TNFRSF1B: variants seen among roughly 807,000 people sequenced by gnomAD.
TNFRSF1B encodes the protein tumor necrosis factor receptor superfamily member 1B.
A neutral mutation model predicts 44.6 loss-of-function variants in TNFRSF1B; 19 were observed. That is an observed-to-expected ratio of 0.43 (90% CI 0.30 to 0.62). The LOEUF (loss-of-function observed/expected upper bound fraction) is 0.62, where lower values mean the gene tolerates loss of function less well. Ranked by LOEUF, TNFRSF1B falls within the 20% of genes least tolerant of loss-of-function variation. TNFRSF1B has a pLI of 0.16. For missense variants in TNFRSF1B, 541 were observed against 619.9 expected (o/e 0.87, Z 1.35); for synonymous variants, 252 against 261.1 (o/e 0.97, Z 0.34).
intron 8 of TNFRSF1B, among the ~76,000 whole-genome samples, chr1:12,195,893 T>A (rs1214168383): frequency 6.6e-6 from 1 of 152,096 alleles, no homozygotes; most frequent in African/African-American, 2.4e-5. Flanking sequence ...AGACAACATC[T>A]TACTTAAGGG....
In TNFRSF1B at chr1:12,167,208, G is replaced by C. The variant is rs1168130592; in HGVS notation, c.78+39G>C. 2.4e-6 allele frequency: 3 copies of C among 1,233,732 alleles called. No homozygotes were observed. In the East Asian group the frequency reaches 9.7e-5, roughly 40 times the overall value. The allele number at this position is 1,233,732 out of a possible 1,614,324, so 76.4% of individuals were successfully genotyped here. A position where few individuals can be genotyped will look rare whatever the true frequency, so the allele number is the denominator to read the frequency against. Reference sequence around the variant, plus strand: ...GCGGCCCACGGGGGACAGCCGCCCCGCATGTCCACCCGGCTGGTGCGCAGC... The same window carrying C: ...GCGGCCCACGGGGGACAGCCGCCCCCCATGTCCACCCGGCTGGTGCGCAGC... On this transcript the variant is annotated intron_variant, in intron 1 of 9. Transcript: ENST00000376259.
chr1:12,194,748 G>A (rs1639229454), intron 8 of TNFRSF1B, 130 bp downstream of exon 8: 3 of 1,215,320 alleles, frequency 2.5e-6, no homozygotes, highest in East Asian at 4.8e-5. Flanking sequence ...AGCCCTGGGA[G>A]GTGGAGGAAA....
At position 12,167,187 on chromosome 1, in the gene TNFRSF1B, C is replaced by T. The variant is rs886952081; in HGVS notation, c.78+18C>T. 5 of 1,256,080 alleles carry T rather than the reference C, an allele frequency of 4.0e-6. No homozygotes were observed. The highest frequency in any genetic ancestry group is 4.2e-5 in the Admixed American group (1 of 23,606). The allele number at this position is 1,256,080 out of a possible 1,614,324, so 77.8% of individuals were successfully genotyped here. Reference sequence around the variant, plus strand: ...CCGCCCAGGTGGGTGACTCGCGCGGCCCACGGGGGACAGCCGCCCCGCATG... The same window carrying T: ...CCGCCCAGGTGGGTGACTCGCGCGGTCCACGGGGGACAGCCGCCCCGCATG... On this transcript the variant is annotated intron_variant, in intron 1 of 9. Transcript: ENST00000376259.
chr1:12,171,728 C>T lies in TNFRSF1B; in HGVS notation c.78+4559C>T, dbSNP rs1006415306. ...GTAGGATGTTTAGCGACATCCCTGG[C>T]CTCTACTTATTGGATGGCAGTAGCG... On this transcript the variant is annotated intron_variant, in intron 1 of 9. Coordinates refer to ENST00000376259, the MANE Select transcript of TNFRSF1B (RefSeq NM_001066.3). The surrounding 1 kb of genome is among the most constrained non-coding windows in gnomAD (Gnocchi z 4.5). 8.5e-5 allele frequency among the ~76,000 whole-genome samples: 13 copies of T among 152,138 alleles called. No individual in the cohort carries two copies. The highest frequency in any genetic ancestry group is 1.8e-4 in the Non-Finnish European group (12 of 68,036).
intron 8 of TNFRSF1B, among the ~76,000 whole-genome samples, chr1:12,195,614 CCAGA>C (rs1228687211): frequency 6.6e-6 from 1 of 152,136 alleles, no homozygotes; most frequent in African/African-American, 2.4e-5. Context: ...ATCTCACTGA[CCAGA>C]CAGTGTCACA....
chr1:12,197,666 C>T (rs1639294789), intron 8 of TNFRSF1B, among the ~76,000 whole-genome samples: 1 of 152,306 alleles, frequency 6.6e-6, no homozygotes, highest in African/African-American at 2.4e-5. Flanking sequence ...ATGCCTGTGT[C>T]CCACGCTACT....
chr1:12,184,485 G>C (rs762837768), intron 1 of TNFRSF1B, among the ~76,000 whole-genome samples: 4 of 152,148 alleles, frequency 2.6e-5, no homozygotes, highest in Non-Finnish European at 5.9e-5. Flanking sequence ...CTACCGGGGG[G>C]GCTGGAGCCA....
At chr1:12,185,080 GGAAGA>G (rs1638951433) in intron 1 of TNFRSF1B, among the ~76,000 whole-genome samples, 1 of 152,190 alleles carries the variant, frequency 6.6e-6, no homozygotes, top group Non-Finnish European at 1.5e-5. Context: ...CCGAGGGCCA[GGAAGA>G]CCCTCTGCCG....
chr1:12,173,396 G>A (rs2101077680), intron 1 of TNFRSF1B, among the ~76,000 whole-genome samples: 1 of 152,274 alleles, frequency 6.6e-6, no homozygotes, highest in South Asian at 2.1e-4. Flanking sequence ...TGCTTTGGGT[G>A]GATTGATTTC....
chr1:12,183,684 C>T (rs954934865), intron 1 of TNFRSF1B, among the ~76,000 whole-genome samples: 1 of 126,274 alleles, frequency 7.9e-6, no homozygotes, highest in African/African-American at 2.7e-5. Flanking sequence ...ATCTATCTAT[C>T]TATCTATCTA....
chr1:12,198,038 C>T (rs916037194), intron 8 of TNFRSF1B, among the ~76,000 whole-genome samples: 2 of 149,652 alleles, frequency 1.3e-5, no homozygotes, highest in Non-Finnish European at 3.0e-5. Context: ...GGCAGAATAG[C>T]GTGAACCCGG....
At chr1:12,181,340 G>A (rs576603017) in intron 1 of TNFRSF1B, among the ~76,000 whole-genome samples, 30 of 152,160 alleles carry the variant, frequency 2.0e-4, no homozygotes, top group Non-Finnish European at 4.3e-4. Context: ...GCCTTTGCAG[G>A]CCCCTTGCAG....
chr1:12,194,671 T>C, intron 8 of TNFRSF1B, 53 bp downstream of exon 8: 1 of 1,597,752 alleles, frequency 6.3e-7, no homozygotes, highest in Non-Finnish European at 8.6e-7. Context: ...CTTCCCGGCG[T>C]GCTGGGCTGT....
Position 12,194,017 on chromosome 1 carries a change from A to G in TNFRSF1B, c.850A>G (p.Met284Val). Residue 284 changes from methionine to valine, a missense_variant, in exon 7 of 10, where the codon ATG (methionine) becomes GTG (valine). Met to Val is a conservative substitution (Grantham distance 21). Coordinates refer to ENST00000376259, the MANE Select transcript of TNFRSF1B (RefSeq NM_001066.3). ...AATAGGAGTGGTGAACTGTGTCATC[A>G]TGACCCAGGTGAAAAGTAAGAGTCC... ...LIIGVVNCVIMTQVKKKPLCL... is the reference protein window; with the variant it reads ...LIIGVVNCVIVTQVKKKPLCL... 1.2e-6 allele frequency: 2 copies of G among 1,614,060 alleles called. No homozygotes were observed. Among genetic ancestry groups the G allele is most frequent in the Non-Finnish European group, 1.7e-6 (2 of 1,179,936 alleles).
In TNFRSF1B at chr1:12,167,075, G is replaced by T. The variant is rs926163983; in HGVS notation, c.-17G>T. 8 of 1,300,816 alleles carry T rather than the reference G, an allele frequency of 6.1e-6. No individual in the cohort carries two copies. The highest frequency in any genetic ancestry group is 6.8e-6 in the Non-Finnish European group (7 of 1,024,168). The allele number at this position is 1,300,816 out of a possible 1,614,324, so 80.6% of individuals were successfully genotyped here. On this transcript the variant is annotated 5_prime_UTR_variant, in exon 1 of 10. Coordinates refer to ENST00000376259, the MANE Select transcript of TNFRSF1B (RefSeq NM_001066.3). ...GAGGGCGCGAGGGCAGGGGGCAACC[G>T]GACCCCGCCCGCACCCATGGCGCCC...
chr1:12,190,586 C>A (rs1225230597), intron 2 of TNFRSF1B, among the ~76,000 whole-genome samples: 1 of 151,656 alleles, frequency 6.6e-6, no homozygotes, highest in Admixed American at 6.6e-5. Context: ...ATACCAGGGA[C>A]TACATTCTTA....
chr1:12,194,655 G>A (rs770101089), intron 8 of TNFRSF1B, 37 bp downstream of exon 8: 1 of 1,613,418 alleles, frequency 6.2e-7, no homozygotes, highest in East Asian at 2.2e-5. Flanking sequence ...CTCTTCCCCT[G>A]GTCTCCTTCC....
At position 12,191,896 on chromosome 1, in the gene TNFRSF1B, C is replaced by G. The variant is rs1453960414; in HGVS notation, c.430C>G (p.Arg144Gly). 1.9e-6 allele frequency: 3 copies of G among 1,609,610 alleles called. No homozygotes were observed. Among genetic ancestry groups the G allele is most frequent in the Admixed American group, 1.7e-5 (1 of 59,842 alleles). Residue 144 changes from arginine to glycine, a missense_variant, in exon 4 of 10, where the codon CGC (arginine) becomes GGC (glycine). Transcript: ENST00000376259. ...CRLCAPLRKCRPGFGVARPGT... is the reference protein window; with the variant it reads ...CRLCAPLRKCGPGFGVARPGT... The stretch of plus-strand genomic sequence containing the variant: ...GCTGTGCGCGCCGCTGCGCAAGTGC[C>G]GCCCGGGCTTCGGCGTGGCCAGACC...
At chr1:12,198,541 C>G (rs947338505) in intron 8 of TNFRSF1B, among the ~76,000 whole-genome samples, 1 of 152,176 alleles carries the variant, frequency 6.6e-6, no homozygotes, top group Non-Finnish European at 1.5e-5. Flanking sequence ...GGTGTGTGAG[C>G]CTTGTGAACA....
Sources: gnomAD v4.1 joint callset for allele counts (sites outside exome capture counted in the v4.1 genomes callset) on GRCh38, gnomAD v4.1.1 for gene constraint, Gnocchi (gnomAD v3.1) non-coding constraint, MANE v1.5 for transcripts, NCBI Gene and HGNC (gene_info 2026-07-23, HGNC 2026-07-21) for gene names.